ZDHHC20: variants seen among roughly 807,000 people sequenced by gnomAD.
ZDHHC20 encodes the protein palmitoyltransferase ZDHHC20.
In ZDHHC20, 43 loss-of-function variants were observed where a neutral mutation model predicts 57.8. That is an observed-to-expected ratio of 0.74 (90% CI 0.58 to 0.96). The LOEUF is 0.96. Ranked by LOEUF, ZDHHC20 falls within the 40% of genes least tolerant of loss-of-function variation. The pLI is 0.00. For synonymous variants in ZDHHC20, 157 were observed against 153.0 expected (o/e 1.03, Z -0.19); for missense variants, 391 against 441.1 (o/e 0.89, Z 1.02).
At chr13:21,428,568 A>G (rs1177031983) in intron 1 of ZDHHC20, among the ~76,000 whole-genome samples, 2 of 151,792 alleles carry the variant, frequency 1.3e-5, no homozygotes, top group East Asian at 2.0e-4. Flanking sequence ...CAAGCTTATA[A>G]AAACTATTAG....
intron 4 of ZDHHC20, among the ~76,000 whole-genome samples, chr13:21,403,333 A>T (rs1233615158): frequency 2.0e-5 from 3 of 151,900 alleles, no homozygotes; most frequent in African/African-American, 7.3e-5. Context: ...TCCCTACCCC[A>T]GATAAACAAT....
chr13:21,420,201 C>T (rs1880493180), intron 3 of ZDHHC20, among the ~76,000 whole-genome samples: 1 of 152,122 alleles, frequency 6.6e-6, no homozygotes. Context: ...GCAGGAGAAT[C>T]GCTTGAACCT....
chr13:21,413,539 T>G (rs2137864141), intron 4 of ZDHHC20, 113 bp downstream of exon 4: 2 of 928,524 alleles, frequency 2.2e-6, no homozygotes, highest in South Asian at 2.9e-5. Flanking sequence ...CTACAGATAT[T>G]ATTTATGGCA....
At chr13:21,446,844 T>C (rs1195886435) in intron 1 of ZDHHC20, among the ~76,000 whole-genome samples, 1 of 152,124 alleles carries the variant, frequency 6.6e-6, no homozygotes, top group Non-Finnish European at 1.5e-5. Flanking sequence ...CCTCTGTCTA[T>C]AGAAAATAGA....
rs1872005937 is a variant in ZDHHC20 at position 21,375,943 on chromosome 13, A to G, written c.*753T>C. On this transcript the variant is annotated 3_prime_UTR_variant, in exon 13 of 13. Transcript: ENST00000400590. ...CCCTGAAAGTTCAACAAAAAAAGCT[A>G]TAAAATAGCAGAGAGAACCCAAAAT... 2 of 152,226 alleles carry G rather than the reference A, an allele frequency of 1.3e-5. No homozygotes were observed. The allele number at this position is 152,226 out of a possible 1,614,324, so 9.4% of individuals were successfully genotyped here.
chr13:21,436,987 T>A (rs896483300), intron 1 of ZDHHC20, among the ~76,000 whole-genome samples: 2 of 152,072 alleles, frequency 1.3e-5, no homozygotes, highest in Non-Finnish European at 2.9e-5. Context: ...ATAAAAAAAA[T>A]TAATTTTAAA....
Position 21,375,917 on chromosome 13 carries a change from C to T in ZDHHC20, c.*779G>A, listed in dbSNP as rs1196263331. ...TTGTGTTTCTCTGCCCATGTACATA[C>T]CCCTGAAAGTTCAACAAAAAAAGCT... On this transcript the variant is annotated 3_prime_UTR_variant, in exon 13 of 13. Coordinates refer to ENST00000400590, the MANE Select transcript of ZDHHC20 (RefSeq NM_001330059.2). 1.3e-5 allele frequency: 2 copies of T among 152,072 alleles called. No homozygotes were observed. Among genetic ancestry groups the T allele is most frequent in the African/African-American group, 2.4e-5 (1 of 41,384 alleles). 9.4% of individuals were successfully genotyped at this position (152,072 alleles called of 1,614,324 possible).
intron 8 of ZDHHC20, among the ~76,000 whole-genome samples, 174 bp downstream of exon 8, chr13:21,391,548 G>A (rs1413130909): frequency 6.6e-6 from 1 of 151,602 alleles, no homozygotes; most frequent in African/African-American, 2.4e-5. Flanking sequence ...CAGGGCTCAG[G>A]GGATTCTCCC....
chr13:21,405,304 G>A (rs1878290218), intron 4 of ZDHHC20, among the ~76,000 whole-genome samples: 2 of 151,902 alleles, frequency 1.3e-5, no homozygotes, highest in Admixed American at 6.6e-5. Context: ...ATGATACAGA[G>A]GCAATAAAAT....
chr13:21,430,021 G>C (rs1203002338), intron 1 of ZDHHC20, among the ~76,000 whole-genome samples: 1 of 152,112 alleles, frequency 6.6e-6, no homozygotes, highest in African/African-American at 2.4e-5. Flanking sequence ...TCACTTTAAA[G>C]ATAGCTGCAT....
chr13:21,420,008 G>A (rs928333012), intron 3 of ZDHHC20, among the ~76,000 whole-genome samples: 1 of 152,096 alleles, frequency 6.6e-6, no homozygotes, highest in South Asian at 2.1e-4. Flanking sequence ...AGCTTAGGCC[G>A]GGCGTAAATG....
chr13:21,392,261 G>T (rs568284499), intron 7 of ZDHHC20, among the ~76,000 whole-genome samples: 5 of 148,818 alleles, frequency 3.4e-5, no homozygotes, highest in African/African-American at 9.9e-5. Context: ...AAAGTGAAAA[G>T]ATCGACTCTT....
chr13:21,391,594 C>T (rs1875724926), intron 8 of ZDHHC20, 128 bp downstream of exon 8: 6 of 1,026,326 alleles, frequency 5.8e-6, no homozygotes, highest in East Asian at 2.8e-5. Flanking sequence ...TTATTAGGCA[C>T]GTGCCACCAA....
intron 8 of ZDHHC20, among the ~76,000 whole-genome samples, chr13:21,390,976 T>C (rs1875598527): frequency 6.6e-6 from 1 of 151,804 alleles, no homozygotes; most frequent in African/African-American, 2.4e-5. Context: ...TAATTGAGGA[T>C]ATAAAGGTTT....
chr13:21,379,419 C>G (rs1173955143), intron 11 of ZDHHC20, among the ~76,000 whole-genome samples: 5 of 151,986 alleles, frequency 3.3e-5, no homozygotes. Flanking sequence ...ATAGCTGGGA[C>G]TACAGACACA....
At chr13:21,434,424 A>G (rs1344964066) in intron 1 of ZDHHC20, among the ~76,000 whole-genome samples, 1 of 152,234 alleles carries the variant, frequency 6.6e-6, no homozygotes, top group African/African-American at 2.4e-5. Flanking sequence ...GTGCTGAATC[A>G]AAATTGTTAA....
intron 3 of ZDHHC20, among the ~76,000 whole-genome samples, chr13:21,415,951 C>G (rs571938301): frequency 6.6e-6 from 1 of 152,020 alleles, no homozygotes; most frequent in African/African-American, 2.4e-5. Context: ...ATCTATAATC[C>G]CAGCACTTTG....
intron 4 of ZDHHC20, among the ~76,000 whole-genome samples, chr13:21,410,822 A>G (rs988496588): frequency 6.6e-6 from 1 of 152,058 alleles, no homozygotes; most frequent in African/African-American, 2.4e-5. Context: ...TCTGCTGAGC[A>G]AGACCACTCA....
intron 4 of ZDHHC20, among the ~76,000 whole-genome samples, chr13:21,412,470 G>A (rs1879340478): frequency 6.6e-6 from 1 of 152,112 alleles, no homozygotes; most frequent in Non-Finnish European, 1.5e-5. Flanking sequence ...AATGTGGGAT[G>A]AAGAAGAACA....
Sources: allele counts gnomAD v4.1 joint callset (sites outside exome capture counted in the v4.1 genomes callset), GRCh38; gene constraint gnomAD v4.1.1; transcripts MANE v1.5; gene names NCBI Gene and HGNC (gene_info 2026-07-23, HGNC 2026-07-21).